The following DCHS2 variants were observed in gnomAD, a reference collection of about 807,000 sequenced individuals.
DCHS2 encodes dachsous cadherin-related 2, also known as protocadherin-23.
A neutral mutation model predicts 182.4 loss-of-function variants in DCHS2; 142 were observed. The ratio of observed to expected loss-of-function variants is 0.78; its 90% CI spans 0.68 to 0.89. The LOEUF is 0.89. DCHS2 is among the 40% of genes least tolerant of loss of function. DCHS2 has a pLI of 0.00. For missense variants in DCHS2, 4,319 were observed against 4,198.6 expected (o/e 1.03, Z -0.79); for synonymous variants, 1,740 against 1,663.3 (o/e 1.05, Z -1.12).
intron 1 of DCHS2, among the ~76,000 whole-genome samples, chr4:154,473,596 T>C (rs1735564622): frequency 6.6e-6 from 1 of 152,142 alleles, no homozygotes; most frequent in African/African-American, 2.4e-5. Context: ...TATTCAGGTG[T>C]TTGACCCTTC....
rs1182534425 is a variant in DCHS2, at chr4:154,235,881, G to C, written c.8771C>G (p.Pro2924Arg). The change falls in exon 20 of 20, where the codon CCT becomes CGT. Residue 2924 changes from proline (P) to arginine (R), a missense_variant. By Grantham distance (103) the Pro-to-Arg change is moderately radical (BLOSUM62 -2). Coordinates refer to ENST00000357232, the MANE Select transcript of DCHS2 (RefSeq NM_001358235.2). Reference protein sequence around the residue: ...VILYSLGTSSPFFSVNKTNGN... With the variant: ...VILYSLGTSSRFFSVNKTNGN... ...ATTGGTTTTATTTACTGAAAAGAAA[G>C]GAGATGAGGTTCCAAGGGAGTAAAG... The C allele has an allele frequency of 6.2e-7, 1 of 1,613,908 alleles. No individual in the cohort carries two copies. Among genetic ancestry groups the C allele is most frequent in the East Asian group, 2.2e-5 (1 of 44,866 alleles).
chr4:154,368,678 G>T (rs60742000), intron 2 of DCHS2, among the ~76,000 whole-genome samples: 3 of 152,056 alleles, frequency 2.0e-5, no homozygotes, highest in Admixed American at 6.6e-5. Context: ...CACCACACCC[G>T]GCTAATTTTG....
chr4:154,265,418 A>C (rs1424506511), intron 14 of DCHS2, among the ~76,000 whole-genome samples: 1 of 152,216 alleles, frequency 6.6e-6, no homozygotes, highest in Non-Finnish European at 1.5e-5. Context: ...ATCATACTTA[A>C]GTCAAGGTAA....
chr4:154,246,870 T>C (rs1020599321), intron 16 of DCHS2, among the ~76,000 whole-genome samples: 7 of 151,044 alleles, frequency 4.6e-5, no homozygotes, highest in Middle Eastern at 3.4e-3. Context: ...AAATGGAAAG[T>C]AGGAAATAAA....
intron 1 of DCHS2, among the ~76,000 whole-genome samples, chr4:154,459,534 A>G (rs1430929713): frequency 6.6e-6 from 1 of 152,124 alleles, no homozygotes; most frequent in Non-Finnish European, 1.5e-5. Context: ...CCTGTCTGAT[A>G]TCAGACCCTT....
chr4:154,346,139 T>A (rs1433930543), intron 3 of DCHS2, among the ~76,000 whole-genome samples: 1 of 152,190 alleles, frequency 6.6e-6, no homozygotes, highest in South Asian at 2.1e-4. Context: ...CCAAAGACCC[T>A]TTCTCCTAAT....
intron 1 of DCHS2, among the ~76,000 whole-genome samples, chr4:154,442,538 C>A (rs1197489545): frequency 1.2e-4 from 10 of 85,422 alleles, no homozygotes; most frequent in African/African-American, 2.3e-4. Context: ...CACCCCCCCC[C>A]CCCCACACAC....
At position 154,236,367 on chromosome 4, in the gene DCHS2, T is replaced by A. The variant is rs1400496209; in HGVS notation, c.8285A>T (p.Asp2762Val). The change falls in exon 20 of 20, where the codon GAT becomes GTT. Residue 2762 changes from aspartate (D) to valine (V), a missense_variant. By Grantham distance (152) the Asp-to-Val change is radical. Transcript: ENST00000357232. Reference sequence around the variant, plus strand: ...CATAAACTGAGGTGCATGGTCGTTATCATCCAGGACACTGACAAACACAAC... The same window carrying A: ...CATAAACTGAGGTGCATGGTCGTTAACATCCAGGACACTGACAAACACAAC... ...FAVVFVSVLD[D>V]NDHAPQFMFS... 9.9e-6 allele frequency: 16 copies of A among 1,614,080 alleles called. No homozygotes were observed. The highest frequency in any genetic ancestry group is 1.2e-5 in the Non-Finnish European group (14 of 1,179,970).
intron 1 of DCHS2, chr4:154,486,388 T>C: frequency 1.5e-6 from 2 of 1,301,598 alleles, no homozygotes; most frequent in Non-Finnish European, 2.0e-6. Context: ...CTAAGACAAC[T>C]TGAAGTTAAA....
At chr4:154,264,742 G>A (rs1412246661) in intron 14 of DCHS2, among the ~76,000 whole-genome samples, 6 of 151,858 alleles carry the variant, frequency 4.0e-5, no homozygotes, top group East Asian at 1.9e-4. Context: ...ATCTGAGAGA[G>A]CTTACTATAC....
chr4:154,471,081 G>C (rs1411884090), intron 1 of DCHS2, among the ~76,000 whole-genome samples: 1 of 152,138 alleles, frequency 6.6e-6, no homozygotes, highest in African/African-American at 2.4e-5. Flanking sequence ...CTATTAATTG[G>C]CCCAGAATTT....
intron 3 of DCHS2, chr4:154,343,470 T>G: frequency 2.8e-6 from 4 of 1,437,972 alleles, no homozygotes; most frequent in Non-Finnish European, 3.7e-6. Flanking sequence ...GTAACCACCT[T>G]CACCAAGAAT....
intron 1 of DCHS2, among the ~76,000 whole-genome samples, chr4:154,379,597 T>A (rs1731078437): frequency 6.6e-6 from 1 of 152,196 alleles, no homozygotes; most frequent in South Asian, 2.1e-4. Context: ...GTCTTGCATA[T>A]ATTTGTAAGC....
At chr4:154,483,293 T>C (rs1166226361) in intron 1 of DCHS2, among the ~76,000 whole-genome samples, 2 of 151,918 alleles carry the variant, frequency 1.3e-5, no homozygotes, top group African/African-American at 4.8e-5. Context: ...AAAATCTAGA[T>C]TAAAAAATAA....
Position 154,320,302 on chromosome 4 carries a change from G to C in DCHS2, c.5020+77C>G, listed in dbSNP as rs1578959568. The C allele has an allele frequency of 2.3e-5, 35 of 1,527,616 alleles. No individual in the cohort carries two copies. The East Asian group carries it at 7.9e-4, about 35-fold the overall frequency. 94.6% of individuals were successfully genotyped at this position (1,527,616 alleles called of 1,614,324 possible). A position where few individuals can be genotyped will look rare whatever the true frequency, so the allele number is the denominator to read the frequency against. On this transcript the variant is annotated intron_variant, in intron 9 of 19. Transcript: ENST00000357232. The stretch of plus-strand genomic sequence containing the variant: ...CAATGTATTGTACACTTAAAACTTT[G>C]TTAGGAGGGTGGGTCTCATGTTTTC...
At chr4:154,279,131 G>T (rs1245284339) in intron 13 of DCHS2, among the ~76,000 whole-genome samples, 4 of 152,054 alleles carry the variant, frequency 2.6e-5, no homozygotes, top group African/African-American at 2.4e-5. Context: ...AAGGAGCAGA[G>T]TCTTTTGTAT....
At chr4:154,274,908 C>G (rs558929200) in intron 13 of DCHS2, among the ~76,000 whole-genome samples, 1 of 151,230 alleles carries the variant, frequency 6.6e-6, no homozygotes, top group South Asian at 2.1e-4. Flanking sequence ...AAAATAACAA[C>G]AAAAAAAACA....
chr4:154,447,724 G>T (rs1734361240), intron 1 of DCHS2, among the ~76,000 whole-genome samples: 1 of 152,126 alleles, frequency 6.6e-6, no homozygotes, highest in African/African-American at 2.4e-5. Flanking sequence ...TCTTTACTGA[G>T]AAGTTAAAAC....
At chr4:154,434,202 G>A (rs191359542) in intron 1 of DCHS2, among the ~76,000 whole-genome samples, 1 of 152,326 alleles carries the variant, frequency 6.6e-6, no homozygotes, top group East Asian at 1.9e-4. Flanking sequence ...GGGAGGCTGA[G>A]GGGAGATGAT....
Sources: allele counts gnomAD v4.1 joint callset (sites outside exome capture counted in the v4.1 genomes callset), GRCh38; gene constraint gnomAD v4.1.1; transcripts MANE v1.5; gene names NCBI Gene and HGNC (gene_info 2026-07-23, HGNC 2026-07-21).